Variants in PIGN observed in about 807,000 individuals in gnomAD.
PIGN encodes the protein phosphatidylinositol glycan anchor biosynthesis class N, also known as GPI ethanolamine phosphate transferase 1.
PIGN carries 117 observed loss-of-function variants against 125.4 expected under a neutral mutation model. The ratio of observed to expected loss-of-function variants is 0.93; its 90% CI spans 0.80 to 1.09. The LOEUF (loss-of-function observed/expected upper bound fraction) is 1.09, where lower values mean the gene tolerates loss of function less well. PIGN is among the 50% of genes least tolerant of loss of function. PIGN has a pLI of 0.00. For synonymous variants in PIGN, 392 were observed against 377.8 expected (o/e 1.04, Z -0.44); for missense variants, 1,075 against 1,094.9 (o/e 0.98, Z 0.26).
chr18:62,030,326 G>A (rs60420679), intron 23 of PIGN, among the ~76,000 whole-genome samples: 4,027 of 152,266 alleles, frequency 0.026, 204 homozygotes, highest in African/African-American at 0.092. Context: ...ATCCTGGGGG[G>A]ACATTCTCTT....
At chr18:62,184,467 C>T (rs767645545) in intron 1 of PIGN, 1 of 152,064 alleles carries the variant, frequency 6.6e-6, no homozygotes, top group Non-Finnish European at 1.5e-5. Flanking sequence ...GTTACTTATA[C>T]ATTATTCACG....
chr18:62,186,379 C>T (rs2038014341), intron 1 of PIGN: 1 of 152,188 alleles, frequency 6.6e-6, no homozygotes, highest in South Asian at 2.1e-4. Flanking sequence ...CCACTCTTGG[C>T]TTAAGTTTAC....
At chr18:62,103,606 A>G (rs1448638519) in intron 20 of PIGN, 1 of 152,226 alleles carries the variant, frequency 6.6e-6, no homozygotes, top group African/African-American at 2.4e-5. Flanking sequence ...ACATCTGAAT[A>G]ACATAGCACA....
chr18:62,181,073 C>A (rs1222926201), intron 1 of PIGN, among the ~76,000 whole-genome samples: 2 of 152,036 alleles, frequency 1.3e-5, no homozygotes, highest in Admixed American at 1.3e-4. Flanking sequence ...AACCAGCTCA[C>A]AAGTATTAGT....
At chr18:62,134,440 C>T (rs2035854438) in intron 14 of PIGN, among the ~76,000 whole-genome samples, 1 of 152,028 alleles carries the variant, frequency 6.6e-6, no homozygotes, top group Non-Finnish European at 1.5e-5. Flanking sequence ...CTGACGAATT[C>T]AACTAAAGAT....
chr18:62,109,409 G>A (rs777503121), intron 17 of PIGN, among the ~76,000 whole-genome samples: 10 of 152,220 alleles, frequency 6.6e-5, no homozygotes, highest in South Asian at 2.1e-4. Context: ...CTACACAATC[G>A]CTAGGAAAGG....
chr18:62,150,019 T>G (rs545397005), intron 7 of PIGN, among the ~76,000 whole-genome samples: 113 of 152,342 alleles, frequency 7.4e-4, no homozygotes, highest in African/African-American at 2.6e-3. Context: ...ACAGTCTCTA[T>G]CGCCCAGGCT....
chr18:62,039,795 C>T (rs9950192), downstream of PIGN, among the ~76,000 whole-genome samples: 2,147 of 62,450 alleles, frequency 0.034, 102 homozygotes, highest in East Asian at 0.1. Flanking sequence ...GTGCCGCACC[C>T]CATGTTTAGG....
At position 62,172,634 on chromosome 18, in the gene PIGN, A is replaced by G. The variant is rs182980051; in HGVS notation, c.-235-8978T>C. Among the ~76,000 whole-genome samples the G allele has an allele frequency of 6.6e-5, 10 of 152,272 alleles. 1 individual carries two copies. In the East Asian group the frequency reaches 1.9e-3, roughly 29 times the overall value. On this transcript the variant is annotated intron_variant, in intron 1 of 30. Coordinates refer to ENST00000640252, the MANE Select transcript of PIGN (RefSeq NM_176787.5). ...ATTGTAAATGTAAATGCAAATGTAT[A>G]TTTGCATTTACAAATAACTCCCTGG...
In PIGN at chr18:62,101,158, T is replaced by A; in HGVS notation, c.1994A>T (p.Tyr665Phe). 1 of 1,605,134 alleles carries A rather than the reference T, an allele frequency of 6.2e-7. No homozygotes were observed. Among genetic ancestry groups the A allele is most frequent in the South Asian group, 1.1e-5 (1 of 90,900 alleles). Residue 665 changes from tyrosine (Y) to phenylalanine (F), a missense_variant, in exon 22 of 31, where the codon TAT (tyrosine) becomes TTT (phenylalanine). Around this residue, in one of 3 missense-constraint regions of PIGN, gnomAD observed 915 missense variants for 908.7 expected, o/e 1.01. Coordinates refer to ENST00000640252, the MANE Select transcript of PIGN (RefSeq NM_176787.5). ...LQVLSTVLSM[Y>F]VVYSTQSSLL... ...ACTACTCTGAGTGCTATACACAACA[T>A]ACATGGAGAGCACTGTGCTCAGCAC...
intron 7 of PIGN, 114 bp downstream of exon 7, chr18:62,154,431 T>C: frequency 1.5e-6 from 1 of 666,758 alleles, no homozygotes; most frequent in Non-Finnish European, 2.6e-6. Context: ...CAGAACAGTG[T>C]GCTACAACAT....
chr18:62,103,642 C>T (rs537519119), intron 20 of PIGN: 1 of 152,138 alleles, frequency 6.6e-6, no homozygotes, highest in South Asian at 2.1e-4. Flanking sequence ...AGGATGAAAT[C>T]CAGAACCCAA....
At chr18:62,138,187 C>T in intron 14 of PIGN, 56 bp downstream of exon 14, 1 of 1,534,860 alleles carries the variant, frequency 6.5e-7, no homozygotes, top group Non-Finnish European at 8.8e-7. Context: ...TGAAAAATTG[C>T]AAACTCAGTG....
intron 29 of PIGN, among the ~76,000 whole-genome samples, chr18:62,073,626 T>C (rs745718654): frequency 2.4e-4 from 36 of 152,362 alleles, no homozygotes; most frequent in Admixed American, 7.8e-4. Context: ...GCTGATTTGC[T>C]CTCACATTAT....
Position 62,045,805 on chromosome 18 carries a change from T to C in PIGN, c.*51A>G. Reference sequence around the variant, plus strand: ...TCTTATTGAAGCCTTGATGAGATTTTAGCTTAAAAGGAGAATCAGGATCCA... The same window carrying C: ...TCTTATTGAAGCCTTGATGAGATTTCAGCTTAAAAGGAGAATCAGGATCCA... On this transcript the variant is annotated 3_prime_UTR_variant, in exon 31 of 31. Coordinates refer to ENST00000640252, the MANE Select transcript of PIGN (RefSeq NM_176787.5). 1 of 1,595,930 alleles carries C rather than the reference T, an allele frequency of 6.3e-7. No individual in the cohort carries two copies. The highest frequency in any genetic ancestry group is 2.2e-5 in the East Asian group (1 of 44,732).
intron 1 of PIGN, among the ~76,000 whole-genome samples, chr18:62,182,307 C>A (rs4941119): frequency 0.092 from 13,007 of 141,622 alleles, 672 homozygotes; most frequent in South Asian, 0.22. Context: ...TATAAATCTA[C>A]ATGGACGTTT....
rs763011823 is a variant in PIGN at position 62,146,994 on chromosome 18, G to A, written c.782C>T (p.Ser261Phe). 2 of 1,612,254 alleles carry A rather than the reference G, an allele frequency of 1.2e-6. No homozygotes were observed. The highest frequency in any genetic ancestry group is 1.7e-6 in the Non-Finnish European group (2 of 1,178,726). Residue 261 changes from serine to phenylalanine, a missense_variant, in exon 9 of 31, where the codon TCT becomes TTT. Coordinates refer to ENST00000640252, the MANE Select transcript of PIGN (RefSeq NM_176787.5). Reference sequence around the variant, plus strand: ...ACCCCAGTCTGTCATTCCATGGTCAGAGGTAAAGATAAATGTTGTTTTCCC... The same window carrying A: ...ACCCCAGTCTGTCATTCCATGGTCAAAGGTAAAGATAAATGTTGTTTTCCC... ...NDGKTTFIFT[S>F]DHGMTDWGSH...
intron 1 of PIGN, among the ~76,000 whole-genome samples, chr18:62,178,748 TTA>T (rs2037615110): frequency 6.6e-6 from 1 of 152,192 alleles, no homozygotes; most frequent in African/African-American, 2.4e-5. Flanking sequence ...TCATCAAGAT[TTA>T]TGTCATTTTT....
At chr18:62,021,095 C>A (rs1462022031) in intron 23 of PIGN, among the ~76,000 whole-genome samples, 2 of 151,976 alleles carry the variant, frequency 1.3e-5, no homozygotes, top group Admixed American at 6.6e-5. Context: ...TTGGAAATTT[C>A]TTTTTAAAAA....
Sources: gnomAD v4.1 joint callset for allele counts (sites outside exome capture counted in the v4.1 genomes callset) on GRCh38, gnomAD v4.1.1 for gene constraint, gnomAD v4.1.1 regional missense constraint, MANE v1.5 for transcripts, NCBI Gene and HGNC (gene_info 2026-07-23, HGNC 2026-07-21) for gene names.